The following PARD3B variants were observed in gnomAD, a reference collection of about 807,000 sequenced individuals.
The protein encoded by PARD3B is par-3 family cell polarity regulator beta.
PARD3B carries 103 observed loss-of-function variants against 130.2 expected under a neutral mutation model. That is an observed-to-expected ratio of 0.79 (90% CI 0.67 to 0.93). The LOEUF (loss-of-function observed/expected upper bound fraction) is 0.93, where lower values mean the gene tolerates loss of function less well. Ranked by LOEUF, PARD3B falls within the 40% of genes least tolerant of loss-of-function variation. PARD3B has a pLI of 0.00. For missense variants in PARD3B, 1,609 were observed against 1,499.2 expected, an observed-to-expected ratio of 1.07 and a Z score of -1.21; for synonymous variants, 583 against 553.2, an observed-to-expected ratio of 1.05 and a Z score of -0.76.
At position 205,585,236 on chromosome 2, in the gene PARD3B, G is replaced by A. The variant is rs1575425215; in HGVS notation, c.3261-30220G>A. Among the ~76,000 whole-genome samples, 1 of 152,182 alleles carries A rather than the reference G, an allele frequency of 6.6e-6. No homozygotes were observed. Reference sequence around the variant, plus strand: ...TGCACAGGCTGGGAGATGAAAATGTGTATGCCCTATCCCACAAAGTAAATG... The same window carrying A: ...TGCACAGGCTGGGAGATGAAAATGTATATGCCCTATCCCACAAAGTAAATG... On this transcript the variant is annotated intron_variant, in intron 22 of 22. Coordinates refer to ENST00000406610, the MANE Select transcript of PARD3B (RefSeq NM_001302769.2). This position sits in a 1 kb window ranked among gnomAD's most constrained non-coding sequence, Gnocchi z 5.4.
chr2:204,625,455 C>A (rs762170453), intron 1 of PARD3B, among the ~76,000 whole-genome samples: 2 of 152,176 alleles, frequency 1.3e-5, no homozygotes, highest in African/African-American at 2.4e-5. Context: ...TGGAAAACCA[C>A]AACTGATCCC....
At chr2:205,540,148 TTTG>T (rs769935901) in intron 21 of PARD3B, among the ~76,000 whole-genome samples, 4 of 152,026 alleles carry the variant, frequency 2.6e-5, no homozygotes, top group South Asian at 4.2e-4. Flanking sequence ...GGGCTGATTT[TTTG>T]TTGTTGTTGT....
chr2:204,800,056 G>A (rs1418114499), intron 2 of PARD3B, among the ~76,000 whole-genome samples: 2 of 152,212 alleles, frequency 1.3e-5, no homozygotes, highest in Non-Finnish European at 2.9e-5. Flanking sequence ...TAATCCTGGA[G>A]TGACAGAGAT....
At chr2:204,731,176 T>A (rs1169645759) in intron 2 of PARD3B, among the ~76,000 whole-genome samples, 1 of 152,234 alleles carries the variant, frequency 6.6e-6, no homozygotes, top group Non-Finnish European at 1.5e-5. Flanking sequence ...CATAATAATA[T>A]TAAACAATTA....
Position 204,789,660 on chromosome 2 carries a change from T to G in PARD3B, c.222+103378T>G, listed in dbSNP as rs2042131136. Among the ~76,000 whole-genome samples the G allele has an allele frequency of 2.0e-5, 3 of 152,338 alleles. No homozygotes were observed. In the East Asian group the frequency reaches 5.8e-4, roughly 29 times the overall value. ...TTTTTTAAGATGAAAATTAAATGTT[T>G]AAACTTTAGATAAAATACCTTTCTA... On this transcript the variant is annotated intron_variant, in intron 2 of 22. Transcript: ENST00000406610.
At chr2:204,822,146 C>T (rs1279265992) in intron 2 of PARD3B, among the ~76,000 whole-genome samples, 1 of 152,184 alleles carries the variant, frequency 6.6e-6, no homozygotes, top group Non-Finnish European at 1.5e-5. Flanking sequence ...CCAACATTAA[C>T]AGGAGTTTGG....
intron 1 of PARD3B, among the ~76,000 whole-genome samples, chr2:204,569,236 C>T (rs538642283): frequency 2.6e-5 from 4 of 152,074 alleles, no homozygotes; most frequent in African/African-American, 2.4e-5. Flanking sequence ...TATCTCCATG[C>T]GTATAGCTCT....
intron 2 of PARD3B, among the ~76,000 whole-genome samples, chr2:204,902,584 G>A (rs1253599770): frequency 1.3e-5 from 2 of 151,150 alleles, no homozygotes; most frequent in Non-Finnish European, 2.9e-5. Flanking sequence ...CAGGAGAATG[G>A]CGTGAACCCG....
At chr2:205,328,819 A>G (rs918794543) in intron 18 of PARD3B, among the ~76,000 whole-genome samples, 5 of 152,186 alleles carry the variant, frequency 3.3e-5, no homozygotes, top group Non-Finnish European at 7.4e-5. Context: ...ACCATATCAT[A>G]TGTCTTCTAA....
chr2:204,710,450 A>G (rs1217872761), intron 2 of PARD3B, among the ~76,000 whole-genome samples: 1 of 152,166 alleles, frequency 6.6e-6, no homozygotes, highest in Non-Finnish European at 1.5e-5. Flanking sequence ...ATGTATGTTG[A>G]GATATTTGAT....
chr2:205,332,716 T>C (rs1286258662), intron 18 of PARD3B, among the ~76,000 whole-genome samples: 1 of 152,144 alleles, frequency 6.6e-6, no homozygotes, highest in Non-Finnish European at 1.5e-5. Flanking sequence ...GCATCCAGTA[T>C]GAGGAGGAGG....
chr2:205,265,915 CAT>C lies in PARD3B; in HGVS notation c.2185+20095_2185+20096del, dbSNP rs1286212418. 2.0e-5 allele frequency among the ~76,000 whole-genome samples: 3 copies of C among 151,936 alleles called. No homozygotes were observed. Among genetic ancestry groups the C allele is most frequent in the Admixed American group, 6.6e-5 (1 of 15,246 alleles). ...TTAGTACTTCATCTGTGATATAAAA[CAT>C]AAATCTTGAGAGAAGGGCTTTTGAT... On this transcript the variant is annotated intron_variant, in intron 16 of 22. Transcript: ENST00000406610. The surrounding 1 kb of genome is among the most constrained non-coding windows in gnomAD (Gnocchi z 4.3).
At chr2:205,475,785 T>C (rs1371082461) in intron 20 of PARD3B, among the ~76,000 whole-genome samples, 2 of 152,190 alleles carry the variant, frequency 1.3e-5, no homozygotes, top group East Asian at 1.9e-4. Context: ...ATAGGCATAC[T>C]GTTTGCTTCT....
chr2:204,956,776 G>A (rs954337505), intron 2 of PARD3B, among the ~76,000 whole-genome samples: 1 of 152,112 alleles, frequency 6.6e-6, no homozygotes, highest in African/African-American at 2.4e-5. Context: ...TAAATTATGC[G>A]CAATTCATGG....
At chr2:204,869,352 A>G (rs1242451868) in intron 2 of PARD3B, among the ~76,000 whole-genome samples, 2 of 152,164 alleles carry the variant, frequency 1.3e-5, no homozygotes, top group Non-Finnish European at 2.9e-5. Context: ...GGGGATTTTG[A>G]TACGAGTGAT....
intron 2 of PARD3B, among the ~76,000 whole-genome samples, chr2:204,820,431 C>T (rs1436144512): frequency 6.6e-6 from 1 of 151,966 alleles, no homozygotes; most frequent in Non-Finnish European, 1.5e-5. Flanking sequence ...GAAGATGTCA[C>T]CTAGGACTCT....
intron 2 of PARD3B, among the ~76,000 whole-genome samples, chr2:204,942,201 G>C (rs1004217694): frequency 6.6e-6 from 1 of 152,082 alleles, no homozygotes; most frequent in African/African-American, 2.4e-5. Flanking sequence ...GAATAACTAA[G>C]ACTAAAGGCC....
chr2:205,522,202 T>G lies in PARD3B; in HGVS notation c.3180+22171T>G, dbSNP rs192675269. On this transcript the variant is annotated intron_variant, in intron 21 of 22. Transcript: ENST00000406610. ...TTCCTTAAAAACAAATGAAACCTAT[T>G]TTTTGAATTATTCAGCTATTTAATT... is the stretch of plus-strand genomic sequence containing the variant. Among the ~76,000 whole-genome samples, 36 of 151,934 alleles carry G rather than the reference T, an allele frequency of 2.4e-4. No homozygotes were observed. In the East Asian group the frequency reaches 6.0e-3, roughly 25 times the overall value.
At chr2:204,784,621 G>T (rs528596317) in intron 2 of PARD3B, among the ~76,000 whole-genome samples, 1 of 152,258 alleles carries the variant, frequency 6.6e-6, no homozygotes, top group Admixed American at 6.5e-5. Flanking sequence ...ACGTACTGAA[G>T]GTTGATGTTG....
Sources: allele counts gnomAD v4.1 joint callset (sites outside exome capture counted in the v4.1 genomes callset), GRCh38; gene constraint gnomAD v4.1.1; non-coding constraint Gnocchi (gnomAD v3.1); transcripts MANE v1.5; gene names NCBI Gene and HGNC (gene_info 2026-07-23, HGNC 2026-07-21).